The following KDM7A variants were observed in gnomAD, a reference collection of about 807,000 sequenced individuals.
The protein encoded by KDM7A is lysine-specific demethylase 7A.
KDM7A carries 28 observed loss-of-function variants against 114.8 expected under a neutral mutation model. The ratio of observed to expected loss-of-function variants is 0.24; its 90% confidence interval spans 0.18 to 0.33. KDM7A has a LOEUF of 0.33. Among genes scored for constraint, KDM7A ranks in the 10% least tolerant of loss-of-function variants. The probability of loss-of-function intolerance (pLI) is 1.00; values close to 1 mark genes in which losing one functional copy is unlikely to be tolerated. For missense variants in KDM7A, 942 were observed against 1,142.5 expected, an observed-to-expected ratio of 0.82 and a Z score of 2.53; for synonymous variants, 423 against 397.8, an observed-to-expected ratio of 1.06 and a Z score of -0.75.
At chr7:140,141,369 C>T (rs1024146145) in intron 1 of KDM7A, among the ~76,000 whole-genome samples, 2 of 151,980 alleles carry the variant, frequency 1.3e-5, no homozygotes, top group Non-Finnish European at 2.9e-5. Flanking sequence ...AAACCCCCCC[C>T]ACCCTAAAAC....
chr7:140,113,416 C>CA, intron 10 of KDM7A, 75 bp downstream of exon 10: 1 of 851,612 alleles, frequency 1.2e-6, no homozygotes, highest in East Asian at 2.6e-5. Context: ...CACGTGCTGC[C>CA]AAAATAGCAC....
intron 1 of KDM7A, among the ~76,000 whole-genome samples, chr7:140,171,844 T>G (rs958635629): frequency 6.6e-6 from 1 of 151,984 alleles, no homozygotes; most frequent in African/African-American, 2.4e-5. Flanking sequence ...TCATGTTGTG[T>G]GCATCCATAG....
chr7:140,165,778 A>C (rs1379659070), intron 1 of KDM7A, among the ~76,000 whole-genome samples: 1 of 152,162 alleles, frequency 6.6e-6, no homozygotes, highest in Non-Finnish European at 1.5e-5. Flanking sequence ...GGCTGGTGTG[A>C]TGCTGGCAAT....
At chr7:140,156,682 C>T (rs1215199813) in intron 1 of KDM7A, among the ~76,000 whole-genome samples, 1 of 152,214 alleles carries the variant, frequency 6.6e-6, no homozygotes, top group Non-Finnish European at 1.5e-5. Flanking sequence ...AGGGCTATCC[C>T]AGAGGCATAA....
Position 140,097,567 on chromosome 7 carries a change from G to T in KDM7A, c.1994C>A (p.Ser665Tyr). 1.2e-6 allele frequency: 2 copies of T among 1,601,678 alleles called. No homozygotes were observed. Among genetic ancestry groups the T allele is most frequent in the Non-Finnish European group, 1.7e-6 (2 of 1,168,966 alleles). Reference sequence around the variant, plus strand: ...TACCAGTGCAGTGCACTCGGGTCCGGAGTCTTCTGACTCAGAAATATCAGA... The same window carrying T: ...TACCAGTGCAGTGCACTCGGGTCCGTAGTCTTCTGACTCAGAAATATCAGA... ...GYSDISESED[S>Y]GPECTALKSI... The change falls in exon 15 of 20, where the codon TCC (serine) becomes TAC (tyrosine). Residue 665 changes from serine (S) to tyrosine (Y), a missense_variant. Physicochemically the swap from Ser to Tyr is moderately radical, Grantham distance 144. Around this residue, in one of 4 missense-constraint regions of KDM7A, gnomAD observed 512 missense variants for 576.6 expected, o/e 0.89. Coordinates refer to ENST00000397560, the MANE Select transcript of KDM7A (RefSeq NM_030647.2).
intron 1 of KDM7A, among the ~76,000 whole-genome samples, chr7:140,166,879 T>G (rs894075014): frequency 6.6e-6 from 1 of 152,104 alleles, no homozygotes; most frequent in Admixed American, 6.6e-5. Flanking sequence ...GTTCCCTAAG[T>G]GATAATACAA....
Position 140,098,888 on chromosome 7 carries a change from G to A in KDM7A, c.1909C>T (p.Pro637Ser). 1 of 1,610,018 alleles carries A rather than the reference G, an allele frequency of 6.2e-7. No individual in the cohort carries two copies. The highest frequency in any genetic ancestry group is 8.5e-7 in the Non-Finnish European group (1 of 1,178,334). Reference sequence around the variant, plus strand: ...CATTAAAAAAACATACCATTCAGTGGTTTTTGAGATTCTTCATGTTCCACT... The same window carrying A: ...CATTAAAAAAACATACCATTCAGTGATTTTTGAGATTCTTCATGTTCCACT... ...EGVEHEESQK[P>S]LNGFFTRVKS... is the part of the protein sequence containing the mutation. Residue 637 changes from proline to serine, a missense_variant, in exon 14 of 20, where the codon CCA becomes TCA. Around this residue, in one of 4 missense-constraint regions of KDM7A, gnomAD observed 512 missense variants for 576.6 expected, o/e 0.89. Coordinates refer to ENST00000397560, the MANE Select transcript of KDM7A (RefSeq NM_030647.2).
At chr7:140,135,468 TAGGA>T (rs1378283969) in intron 2 of KDM7A, among the ~76,000 whole-genome samples, 1 of 152,194 alleles carries the variant, frequency 6.6e-6, no homozygotes, top group African/African-American at 2.4e-5. Context: ...CCCAAAGTGC[TAGGA>T]TTACACGTGT....
At chr7:140,114,331 T>C (rs932025706) in intron 9 of KDM7A, among the ~76,000 whole-genome samples, 3 of 150,774 alleles carry the variant, frequency 2.0e-5, no homozygotes, top group East Asian at 2.0e-4. Flanking sequence ...CCACGCCTGA[T>C]TGGTTTTCGT....
At chr7:140,143,166 C>G (rs1293738070) in intron 1 of KDM7A, among the ~76,000 whole-genome samples, 2 of 131,232 alleles carry the variant, frequency 1.5e-5, no homozygotes, top group Non-Finnish European at 3.1e-5. Context: ...GGTGACAGAG[C>G]AAGACCCCGT....
At chr7:140,150,208 T>C (rs1184877718) in intron 1 of KDM7A, among the ~76,000 whole-genome samples, 2 of 152,180 alleles carry the variant, frequency 1.3e-5, no homozygotes, top group Non-Finnish European at 2.9e-5. Flanking sequence ...TAAAGAAATA[T>C]ATACACCCTA....
chr7:140,107,307 A>T (rs747482647), intron 11 of KDM7A, among the ~76,000 whole-genome samples: 3 of 151,974 alleles, frequency 2.0e-5, no homozygotes, highest in Non-Finnish European at 2.9e-5. Flanking sequence ...AATTTGATCC[A>T]CTCATTATGA....
chr7:140,150,609 G>A (rs1414194695), intron 1 of KDM7A, among the ~76,000 whole-genome samples: 3 of 152,130 alleles, frequency 2.0e-5, no homozygotes, highest in Admixed American at 2.0e-4. Context: ...TGTCTGGAAG[G>A]GCATGTAAGA....
At position 140,176,792 on chromosome 7, in the gene KDM7A, T is replaced by C. The variant is rs1198330566; in HGVS notation, c.146A>G (p.Asn49Ser). ...YCVCRQPYDV[N>S]RFMIECDICK... Reference sequence around the variant, plus strand: ...GATATCGCACTCGATCATGAAGCGGTTCACGTCGTACGGCTGCCGGCACAC... The same window carrying C: ...GATATCGCACTCGATCATGAAGCGGCTCACGTCGTACGGCTGCCGGCACAC... Residue 49 changes from asparagine to serine, a missense_variant, in exon 1 of 20, where the codon AAC becomes AGC. Coordinates refer to ENST00000397560, the MANE Select transcript of KDM7A (RefSeq NM_030647.2). This position sits in a 1 kb window ranked among gnomAD's most constrained non-coding sequence, Gnocchi z 4.4. 4 of 1,418,808 alleles carry C rather than the reference T, an allele frequency of 2.8e-6. No individual in the cohort carries two copies. Among genetic ancestry groups the C allele is most frequent in the African/African-American group, 1.5e-5 (1 of 66,142 alleles). 87.9% of individuals were successfully genotyped at this position (1,418,808 alleles called of 1,614,324 possible).
rs1452367715 is a variant in KDM7A at position 140,089,657 on chromosome 7, A to G, written c.*1437T>C. 6.6e-6 allele frequency: 1 copy of G among 152,158 alleles called. No individual in the cohort carries two copies. The highest frequency in any genetic ancestry group is 2.4e-5 in the African/African-American group (1 of 41,432). The allele number at this position is 152,158 out of a possible 1,614,324, so 9.4% of individuals were successfully genotyped here. On this transcript the variant is annotated 3_prime_UTR_variant, in exon 20 of 20. Transcript: ENST00000397560. ...TTATTTTTATGCCATGGATGGAAAA[A>G]AGGGAAAATAGAAGCTACTATAAGC...
chr7:140,100,711 C>CAT lies in KDM7A; in HGVS notation c.1639-690_1639-689dup, dbSNP rs58767645. Among the ~76,000 whole-genome samples, 489 of 56,888 alleles carry CAT rather than the reference C, an allele frequency of 8.6e-3. 2 individuals carry two copies. Among genetic ancestry groups the CAT allele is most frequent in the East Asian group, 0.02 (38 of 1,886 alleles). 37.3% of individuals were successfully genotyped at this position (56,888 alleles called of 152,430 possible). On this transcript the variant is annotated intron_variant, in intron 12 of 19. Coordinates refer to ENST00000397560, the MANE Select transcript of KDM7A (RefSeq NM_030647.2). ...ATACATATATATATATATATATACACATATATATATATATATATATATATA... is the reference window on the plus strand; with the variant it reads ...ATACATATATATATATATATATACACATATATATATATATATATATATATATA...
chr7:140,101,648 T>A (rs1234668326), intron 12 of KDM7A, among the ~76,000 whole-genome samples: 1 of 152,166 alleles, frequency 6.6e-6, no homozygotes, highest in Non-Finnish European at 1.5e-5. Flanking sequence ...GGAAGCTTCA[T>A]GAGGGGCAGG....
rs775731452 is a variant in KDM7A at position 140,139,162 on chromosome 7, C to T, written c.223G>A (p.Val75Ile). Reference sequence around the variant, plus strand: ...GGACAGTGATACAGGTCAATGTCAACAGCATGATGTTCTTCTACTCCAACA... The same window carrying T: ...GGACAGTGATACAGGTCAATGTCAATAGCATGATGTTCTTCTACTCCAACA... ...SCVGVEEHHAVDIDLYHCPNC... is the reference protein window; with the variant it reads ...SCVGVEEHHAIDIDLYHCPNC... Residue 75 changes from valine to isoleucine, a missense_variant, in exon 2 of 20, where the codon GTT (valine) becomes ATT (isoleucine). Physicochemically the swap from Val to Ile is conservative, Grantham distance 29. Coordinates refer to ENST00000397560, the MANE Select transcript of KDM7A (RefSeq NM_030647.2). 1 of 1,613,298 alleles carries T rather than the reference C, an allele frequency of 6.2e-7. No homozygotes were observed. The highest frequency in any genetic ancestry group is 8.5e-7 in the Non-Finnish European group (1 of 1,179,546).
intron 11 of KDM7A, among the ~76,000 whole-genome samples, chr7:140,106,899 C>T (rs967410552): frequency 9.2e-5 from 14 of 152,124 alleles, no homozygotes; most frequent in African/African-American, 3.4e-4. Flanking sequence ...TGAAGTCTCC[C>T]ATTATTATTG....
Sources: gnomAD v4.1 joint callset for allele counts (sites outside exome capture counted in the v4.1 genomes callset) on GRCh38, gnomAD v4.1.1 for gene constraint, gnomAD v4.1.1 regional missense constraint, Gnocchi (gnomAD v3.1) non-coding constraint, MANE v1.5 for transcripts, NCBI Gene and HGNC (gene_info 2026-07-23, HGNC 2026-07-21) for gene names.